The following ZMAT4 variants were observed in gnomAD, a reference collection of about 807,000 sequenced individuals.
The protein encoded by ZMAT4 is zinc finger matrin-type protein 4.
Under a neutral mutation model 28.7 loss-of-function variants are expected in ZMAT4, and 17 were observed. That is an observed-to-expected ratio of 0.59 (90% confidence interval 0.41 to 0.89). The LOEUF is 0.89. ZMAT4 is among the 40% of genes least tolerant of loss of function. The pLI is 0.00. For missense variants in ZMAT4, 240 were observed against 283.8 expected (o/e 0.85, Z 1.11); for synonymous variants, 117 against 109.2 (o/e 1.07, Z -0.44).
At chr8:40,814,411 A>G (rs936034252) in intron 2 of ZMAT4, among the ~76,000 whole-genome samples, 9 of 152,228 alleles carry the variant, frequency 5.9e-5, no homozygotes, top group Non-Finnish European at 1.2e-4. Flanking sequence ...GGGAATAGAA[A>G]AGCTGAAAGA....
chr8:40,741,537 C>T (rs866445686), intron 3 of ZMAT4, among the ~76,000 whole-genome samples: 20 of 151,476 alleles, frequency 1.3e-4, no homozygotes, highest in Non-Finnish European at 1.5e-4. Context: ...TTTTGCCTAT[C>T]AAATTTATAA....
intron 2 of ZMAT4, among the ~76,000 whole-genome samples, chr8:40,809,329 G>A (rs915024908): frequency 6.6e-6 from 1 of 152,158 alleles, no homozygotes; most frequent in Admixed American, 6.5e-5. Flanking sequence ...ACTGGAGAAG[G>A]AGGGAGAGGG....
intron 5 of ZMAT4, among the ~76,000 whole-genome samples, chr8:40,587,445 T>C (rs1804706865): frequency 1.3e-5 from 2 of 152,218 alleles, no homozygotes; most frequent in Non-Finnish European, 2.9e-5. Flanking sequence ...TTGTGTATTA[T>C]GCTGTTTATA....
chr8:40,774,482 T>C (rs1813507629), intron 2 of ZMAT4, among the ~76,000 whole-genome samples: 1 of 152,166 alleles, frequency 6.6e-6, no homozygotes, highest in East Asian at 1.9e-4. Flanking sequence ...AAGCAAAAAC[T>C]TGTTTGAGTC....
At position 40,761,378 on chromosome 8, in the gene ZMAT4, C is replaced by A. The variant is rs111742291; in HGVS notation, c.192+6263G>T. ...AGTCTCTGCCTAACCAGGTCTCCCA[C>A]AGGCCTTCCTCATTGTTCCCTCTAA... On this transcript the variant is annotated intron_variant, in intron 3 of 6. Coordinates refer to ENST00000297737, the MANE Select transcript of ZMAT4 (RefSeq NM_024645.3). Among the ~76,000 whole-genome samples the A allele has an allele frequency of 2.8e-3, 433 of 152,308 alleles. 1 individual carries two copies. Among genetic ancestry groups the A allele is most frequent in the African/African-American group, 9.8e-3 (408 of 41,570 alleles).
chr8:40,791,256 G>A (rs1814311382), intron 2 of ZMAT4, among the ~76,000 whole-genome samples: 1 of 152,206 alleles, frequency 6.6e-6, no homozygotes, highest in Non-Finnish European at 1.5e-5. Context: ...CATCCAGAGA[G>A]TGCAGGGGAG....
rs139851266 is a variant in ZMAT4, at chr8:40,532,780, G to A, written c.675-542C>T. On this transcript the variant is annotated intron_variant, in intron 6 of 6. Coordinates refer to ENST00000297737, the MANE Select transcript of ZMAT4 (RefSeq NM_024645.3). Reference sequence around the variant, plus strand: ...TGGGAGGTAGAGGTGGGCAGATCACGAGGTCAGGATATCAAGACTATCCTG... The same window carrying A: ...TGGGAGGTAGAGGTGGGCAGATCACAAGGTCAGGATATCAAGACTATCCTG... Among the ~76,000 whole-genome samples the A allele has an allele frequency of 8.5e-5, 13 of 152,110 alleles. No individual in the cohort carries two copies. In the East Asian group the frequency reaches 1.8e-3, roughly 20 times the overall value.
intron 5 of ZMAT4, among the ~76,000 whole-genome samples, chr8:40,637,703 C>T (rs1371320026): frequency 6.6e-6 from 1 of 152,142 alleles, no homozygotes; most frequent in Non-Finnish European, 1.5e-5. Context: ...TTAAGAACAC[C>T]TGGGAAAACC....
intron 2 of ZMAT4, among the ~76,000 whole-genome samples, chr8:40,772,053 G>A (rs933970928): frequency 7.2e-5 from 11 of 152,264 alleles, no homozygotes; most frequent in African/African-American, 2.2e-4. Context: ...TAAGGGAAAA[G>A]ACATGAAAAA....
Position 40,874,823 on chromosome 8 carries a change from C to T in ZMAT4, c.-5+22860G>A, listed in dbSNP as rs144270956. Among the ~76,000 whole-genome samples the T allele has an allele frequency of 1.6e-4, 25 of 152,272 alleles. No individual in the cohort carries two copies. In the East Asian group the frequency reaches 4.6e-3, roughly 28 times the overall value. On this transcript the variant is annotated intron_variant, in intron 1 of 6. Coordinates refer to ENST00000297737, the MANE Select transcript of ZMAT4 (RefSeq NM_024645.3). ...TCTGAGCTGATTGGACTGCAGCAGG[C>T]GTGGTTTCGGACATGGCTTATTTTA...
At chr8:40,809,725 T>A (rs1815244287) in intron 2 of ZMAT4, among the ~76,000 whole-genome samples, 1 of 152,152 alleles carries the variant, frequency 6.6e-6, no homozygotes, top group Admixed American at 6.5e-5. Context: ...ATACCCCTGC[T>A]TTAAGATAAG....
At chr8:40,794,447 C>T (rs1447650365) in intron 2 of ZMAT4, among the ~76,000 whole-genome samples, 1 of 152,180 alleles carries the variant, frequency 6.6e-6, no homozygotes, top group East Asian at 1.9e-4. Flanking sequence ...AAGTCTTTCT[C>T]CAGCCAGATG....
At chr8:40,560,498 C>T (rs1803701791) in intron 6 of ZMAT4, among the ~76,000 whole-genome samples, 1 of 151,738 alleles carries the variant, frequency 6.6e-6, no homozygotes, top group Non-Finnish European at 1.5e-5. Flanking sequence ...CTCCTGGGTA[C>T]AAGTCATCCT....
chr8:40,566,527 A>G (rs559089495), intron 6 of ZMAT4, among the ~76,000 whole-genome samples: 1 of 152,076 alleles, frequency 6.6e-6, no homozygotes, highest in East Asian at 1.9e-4. Flanking sequence ...TTTCCATGGG[A>G]GGTGCATTTT....
At chr8:40,580,805 C>T (rs1804440179) in intron 6 of ZMAT4, among the ~76,000 whole-genome samples, 1 of 152,022 alleles carries the variant, frequency 6.6e-6, no homozygotes, top group Non-Finnish European at 1.5e-5. Flanking sequence ...AATATTCATC[C>T]AGAAAGGGAA....
At chr8:40,534,199 C>T (rs1002336340) in intron 6 of ZMAT4, among the ~76,000 whole-genome samples, 1 of 152,020 alleles carries the variant, frequency 6.6e-6, no homozygotes, top group South Asian at 2.1e-4. Context: ...TTTCTGAATA[C>T]ATAGAAATAA....
chr8:40,844,945 A>G (rs1816829781), intron 1 of ZMAT4, among the ~76,000 whole-genome samples: 1 of 152,152 alleles, frequency 6.6e-6, no homozygotes, highest in South Asian at 2.1e-4. Context: ...GTGAGCTCAA[A>G]TAATAAGATT....
In ZMAT4 at chr8:40,674,459, T is replaced by C. The variant is rs1397412922; in HGVS notation, c.577+245A>G. On this transcript the variant is annotated intron_variant, in intron 5 of 6. Transcript: ENST00000297737. Reference sequence around the variant, plus strand: ...GAAGGAAAACAATCTGGTTCATGAATGTGCCTTTGGTCTGAAAAGCAGTCA... The same window carrying C: ...GAAGGAAAACAATCTGGTTCATGAACGTGCCTTTGGTCTGAAAAGCAGTCA... 12 of 464,970 alleles carry C rather than the reference T, an allele frequency of 2.6e-5. No homozygotes were observed. The East Asian group carries it at 4.4e-4, about 17-fold the overall frequency. The allele number at this position is 464,970 out of a possible 1,614,324, so 28.8% of individuals were successfully genotyped here.
At chr8:40,795,800 A>T (rs1048978738) in intron 2 of ZMAT4, among the ~76,000 whole-genome samples, 10 of 152,202 alleles carry the variant, frequency 6.6e-5, no homozygotes, top group African/African-American at 2.4e-4. Flanking sequence ...ATCCAAAGGG[A>T]TGTTTTATAT....
Sources: gnomAD v4.1 joint callset for allele counts (sites outside exome capture counted in the v4.1 genomes callset) on GRCh38, gnomAD v4.1.1 for gene constraint, MANE v1.5 for transcripts, NCBI Gene and HGNC (gene_info 2026-07-23, HGNC 2026-07-21) for gene names.